The following GPATCH8 variants were observed in gnomAD, a reference collection of about 807,000 sequenced individuals.
GPATCH8 encodes the protein G patch domain-containing protein 8.
In GPATCH8, 18 loss-of-function variants were observed where a neutral mutation model predicts 118.3. The observed-to-expected ratio is 0.15, with a 90% CI of 0.11 to 0.23. The LOEUF is 0.23. Among genes scored for constraint, GPATCH8 ranks in the 10% least tolerant of loss-of-function variants. The probability of loss-of-function intolerance (pLI) is 1.00; values close to 1 mark genes in which losing one functional copy is unlikely to be tolerated. For synonymous variants in GPATCH8, 659 were observed against 684.7 expected (o/e 0.96, Z 0.59); for missense variants, 1,631 against 1,873.8 (o/e 0.87, Z 2.39).
intron 3 of GPATCH8, among the ~76,000 whole-genome samples, chr17:44,462,272 G>C (rs2051582908): frequency 6.6e-6 from 1 of 152,180 alleles, no homozygotes; most frequent in African/African-American, 2.4e-5. Context: ...TCGAATAGAA[G>C]AGGTATTTCA....
At chr17:44,466,310 A>G (rs1255780038) in intron 2 of GPATCH8, among the ~76,000 whole-genome samples, 5 of 152,140 alleles carry the variant, frequency 3.3e-5, no homozygotes, top group African/African-American at 1.2e-4. Context: ...TACTTTTCTA[A>G]AAGCAAAAAC....
intron 3 of GPATCH8, among the ~76,000 whole-genome samples, chr17:44,453,530 T>TGTGTGTGTGTGTGTGCGCGC (rs1052518435): frequency 2.0e-5 from 3 of 150,452 alleles, no homozygotes; most frequent in African/African-American, 7.4e-5. Flanking sequence ...TGTGTGTGTG[T>TGTGTGTGTGTGTGTGCGCGC]GCAGGCGCGC....
In GPATCH8 at chr17:44,479,124, A is replaced by G. The variant is rs534383480; in HGVS notation, c.46-4221T>C. On this transcript the variant is annotated intron_variant, in intron 1 of 7. Coordinates refer to ENST00000591680, the MANE Select transcript of GPATCH8 (RefSeq NM_001002909.4). ...AAGCACAAACACAGATTATTAGAGA[A>G]CTACCAAGTAAGTCTACAAAAAAGA... Among the ~76,000 whole-genome samples, 95 of 152,352 alleles carry G rather than the reference A, an allele frequency of 6.2e-4. 2 individuals carry two copies. The highest frequency in any genetic ancestry group is 6.8e-3 in the Middle Eastern group (2 of 294).
At chr17:44,415,696 T>C (rs1309482717) in intron 6 of GPATCH8, among the ~76,000 whole-genome samples, 2 of 152,198 alleles carry the variant, frequency 1.3e-5, no homozygotes, top group Admixed American at 6.5e-5. Flanking sequence ...AAAGAACTTA[T>C]TACTTAGGTT....
rs892008464 is a variant in GPATCH8 at position 44,461,178 on chromosome 17, TTTTA to T, written c.193+3290_193+3293del. On this transcript the variant is annotated intron_variant, in intron 3 of 7. Transcript: ENST00000591680. ...TGTGTTTTGGAAAGGGTGAATTTTA[TTTTA>T]TTTATTTATTTATTTTAAACAGAGG... Among the ~76,000 whole-genome samples, 11 of 152,122 alleles carry T rather than the reference TTTTA, an allele frequency of 7.2e-5. No individual in the cohort carries two copies. The South Asian group carries it at 8.3e-4, about 11-fold the overall frequency.
At chr17:44,437,883 A>G (rs2144055086) in intron 3 of GPATCH8, among the ~76,000 whole-genome samples, 1 of 151,780 alleles carries the variant, frequency 6.6e-6, no homozygotes, top group African/African-American at 2.4e-5. Flanking sequence ...AATTAGAATT[A>G]TCACAGTAAA....
intron 1 of GPATCH8, among the ~76,000 whole-genome samples, chr17:44,497,614 T>A (rs188302423): frequency 2.0e-4 from 31 of 151,438 alleles, no homozygotes; most frequent in African/African-American, 7.0e-4. Flanking sequence ...TTTAAAAAAA[T>A]TAAATTTAAA....
chr17:44,424,499 G>C lies in GPATCH8; in HGVS notation c.349-7C>G, dbSNP rs1362088039. On this transcript the variant is annotated splice_region_variant and splice_polypyrimidine_tract_variant and intron_variant, in intron 5 of 7. Transcript: ENST00000591680. The stretch of plus-strand genomic sequence containing the variant: ...TCTCTTTGTCAACATAATCCTTCAA[G>C]ACCCATGAAATACAAAGAAACAAAA... The C allele has an allele frequency of 1.2e-6, 2 of 1,601,460 alleles. No individual in the cohort carries two copies. Among genetic ancestry groups the C allele is most frequent in the Non-Finnish European group, 1.7e-6 (2 of 1,168,948 alleles).
intron 1 of GPATCH8, among the ~76,000 whole-genome samples, chr17:44,491,732 T>C (rs1969263426): frequency 6.6e-6 from 1 of 152,050 alleles, no homozygotes; most frequent in African/African-American, 2.4e-5. Flanking sequence ...TACACACCTG[T>C]AGTCCCAGCT....
chr17:44,465,457 G>C (rs1220964706), intron 2 of GPATCH8: 1 of 152,084 alleles, frequency 6.6e-6, no homozygotes, highest in East Asian at 1.9e-4. Context: ...CAAGGTATTG[G>C]AAACATCTGC....
chr17:44,399,780 C>T lies in GPATCH8; in HGVS notation c.2297G>A (p.Ser766Asn), dbSNP rs1283004630. Reference sequence around the variant, plus strand: ...ACCCCCACCTTCATCCTTTTTGCCACTGCTCCCCTCTTCAGCTGGGAGGGA... The same window carrying T: ...ACCCCCACCTTCATCCTTTTTGCCATTGCTCCCCTCTTCAGCTGGGAGGGA... ...RRSLPAEEGS[S>N]GKKDEGGGGS... The change falls in exon 8 of 8, where the codon AGT becomes AAT. Residue 766 changes from serine to asparagine, a missense_variant. This residue lies in a region of GPATCH8 where 922 missense variants were observed against 879.7 expected (regional missense o/e 1.05). Transcript: ENST00000591680. 6.2e-7 allele frequency: 1 copy of T among 1,613,760 alleles called. No homozygotes were observed. The highest frequency in any genetic ancestry group is 8.5e-7 in the Non-Finnish European group (1 of 1,179,846).
chr17:44,428,831 C>T (rs555745339), intron 5 of GPATCH8, among the ~76,000 whole-genome samples: 2 of 151,938 alleles, frequency 1.3e-5, no homozygotes, highest in African/African-American at 4.8e-5. Flanking sequence ...CTCAAATAAA[C>T]AGTACTCATA....
chr17:44,495,835 T>C (rs1368147890), intron 1 of GPATCH8, among the ~76,000 whole-genome samples: 2 of 152,152 alleles, frequency 1.3e-5, no homozygotes, highest in Non-Finnish European at 1.5e-5. Context: ...CACTACAGCA[T>C]ACAATCCACA....
chr17:44,438,245 G>T (rs2144059429), intron 3 of GPATCH8, among the ~76,000 whole-genome samples: 1 of 152,078 alleles, frequency 6.6e-6, no homozygotes, highest in South Asian at 2.1e-4. Context: ...TATCTTTTTT[G>T]ATCTGTCAGA....
intron 5 of GPATCH8, among the ~76,000 whole-genome samples, chr17:44,432,217 A>G (rs1487984722): frequency 6.6e-6 from 1 of 152,190 alleles, no homozygotes; most frequent in African/African-American, 2.4e-5. Flanking sequence ...AGATGTATGT[A>G]CAAATTATCA....
chr17:44,405,795 C>A (rs117833855), intron 7 of GPATCH8, 126 bp downstream of exon 7: 4 of 746,118 alleles, frequency 5.4e-6, no homozygotes, highest in Middle Eastern at 3.9e-4. Context: ...TGAGCCACTG[C>A]GCCTGGCACA....
chr17:44,398,968 G>A lies in GPATCH8; in HGVS notation c.3109C>T (p.His1037Tyr), dbSNP rs138327092. 15 of 1,613,890 alleles carry A rather than the reference G, an allele frequency of 9.3e-6. No homozygotes were observed. Among genetic ancestry groups the A allele is most frequent in the Admixed American group, 1.7e-5 (1 of 60,002 alleles). Residue 1037 changes from histidine to tyrosine, a missense_variant, in exon 8 of 8, where the codon CAC becomes TAC. His to Tyr is a moderately conservative substitution (Grantham distance 83). This residue lies in a region of GPATCH8 where 922 missense variants were observed against 879.7 expected (regional missense o/e 1.05). Transcript: ENST00000591680. ...RSKIYRSQSPHYFRSGRGEGP... is the reference protein window; with the variant it reads ...RSKIYRSQSPYYFRSGRGEGP... ...TCTCCCCGGCCTGATCGGAAATAGT[G>A]GGGGGACTGGGAGCGGTAGATCTTA...
intron 3 of GPATCH8, among the ~76,000 whole-genome samples, chr17:44,440,449 G>A (rs866822855): frequency 5.4e-4 from 82 of 152,182 alleles, no homozygotes; most frequent in Middle Eastern, 6.8e-3. Flanking sequence ...AGACAGGGTC[G>A]CTGAGGCTGG....
rs1359387190 is a variant in GPATCH8 at position 44,395,604 on chromosome 17, G to C, written c.*1964C>G. On this transcript the variant is annotated 3_prime_UTR_variant, in exon 8 of 8. Transcript: ENST00000591680. The stretch of plus-strand genomic sequence containing the variant: ...AGATGATTTCATTTTTCCAGTGCTA[G>C]TTATCCAAGAAGTGATGCTTCTGAA... 8.8e-6 allele frequency: 4 copies of C among 454,174 alleles called. No homozygotes were observed. The highest frequency in any genetic ancestry group is 8.0e-5 in the African/African-American group (4 of 50,008). 28.1% of individuals were successfully genotyped at this position (454,174 alleles called of 1,614,324 possible).
Sources: allele counts gnomAD v4.1 joint callset (sites outside exome capture counted in the v4.1 genomes callset), GRCh38; gene constraint gnomAD v4.1.1; regional missense constraint gnomAD v4.1.1; transcripts MANE v1.5; gene names NCBI Gene and HGNC (gene_info 2026-07-23, HGNC 2026-07-21).